Variants in MDN1 observed in about 807,000 individuals in gnomAD.
The protein encoded by MDN1 is midasin.
Under a neutral mutation model 669.2 loss-of-function variants are expected in MDN1, and 266 were observed. The observed-to-expected ratio is 0.40, with a 90% confidence interval of 0.36 to 0.44. The LOEUF (loss-of-function observed/expected upper bound fraction) is 0.44, where lower values mean the gene tolerates loss of function less well. Among genes scored for constraint, MDN1 ranks in the 20% least tolerant of loss-of-function variants. MDN1 has a pLI of 1.00. For synonymous variants in MDN1, 2,385 were observed against 2,457.1 expected (o/e 0.97, Z 0.87); for missense variants, 5,940 against 6,754.0 (o/e 0.88, Z 4.22).
chr6:89,660,816 C>T (rs935763639), intron 88 of MDN1, among the ~76,000 whole-genome samples: 7 of 152,154 alleles, frequency 4.6e-5, no homozygotes, highest in African/African-American at 1.4e-4. Context: ...GAGGCCAGCT[C>T]ACATCTTTCT....
chr6:89,718,914 C>A lies in MDN1; in HGVS notation c.6174G>T (p.Met2058Ile), dbSNP rs1295870733. 1 of 1,614,028 alleles carries A rather than the reference C, an allele frequency of 6.2e-7. No individual in the cohort carries two copies. The highest frequency in any genetic ancestry group is 8.5e-7 in the Non-Finnish European group (1 of 1,180,038). ...PLESIMKCVQ[M>I]SWMVILVGPA... Reference sequence around the variant, plus strand: ...GCCCGACCAGGATGACCATCCAGCTCATCTGCACACACTTCATGATTGACT... The same window carrying A: ...GCCCGACCAGGATGACCATCCAGCTAATCTGCACACACTTCATGATTGACT... The change falls in exon 42 of 102, where the codon ATG becomes ATT. Residue 2058 changes from methionine to isoleucine, a missense_variant. By Grantham distance (10) the Met-to-Ile change is conservative. Coordinates refer to ENST00000369393, the MANE Select transcript of MDN1 (RefSeq NM_014611.3).
In MDN1 at chr6:89,789,771, A is replaced by G; in HGVS notation, c.1230+9T>C. ...ATTAAGGGACAATGAATTTCCTGAG[A>G]TGACATACCACGTCTAAGGGGGCAT... On this transcript the variant is annotated intron_variant, in intron 7 of 101. Coordinates refer to ENST00000369393, the MANE Select transcript of MDN1 (RefSeq NM_014611.3). 1 of 1,577,076 alleles carries G rather than the reference A, an allele frequency of 6.3e-7. No individual in the cohort carries two copies. Among genetic ancestry groups the G allele is most frequent in the Non-Finnish European group, 8.6e-7 (1 of 1,162,504 alleles).
Position 89,707,654 on chromosome 6 carries a change from A to C in MDN1, c.7899-178T>G, listed in dbSNP as rs376866156. On this transcript the variant is annotated intron_variant, in intron 51 of 101. Coordinates refer to ENST00000369393, the MANE Select transcript of MDN1 (RefSeq NM_014611.3). Reference sequence around the variant, plus strand: ...TGAAAGTGACAACTACTAAGGTGAAAGGAAAGATCGATGGATGGAGAAAGC... The same window carrying C: ...TGAAAGTGACAACTACTAAGGTGAACGGAAAGATCGATGGATGGAGAAAGC... Among the ~76,000 whole-genome samples, 7 of 152,340 alleles carry C rather than the reference A, an allele frequency of 4.6e-5. No individual in the cohort carries two copies. The East Asian group carries it at 7.7e-4, about 17-fold the overall frequency.
chr6:89,789,661 A>G, intron 7 of MDN1, 119 bp downstream of exon 7: 2 of 1,200,976 alleles, frequency 1.7e-6, no homozygotes, highest in East Asian at 2.4e-5. Context: ...TACCTGCAAC[A>G]TAGTACGTCT....
In MDN1 at chr6:89,695,114, TC is replaced by T. The variant is rs1295736589; in HGVS notation, c.9771+490del. Among the ~76,000 whole-genome samples the T allele has an allele frequency of 6.6e-6, 1 of 152,048 alleles. No homozygotes were observed. Among genetic ancestry groups the T allele is most frequent in the African/African-American group, 2.4e-5 (1 of 41,366 alleles). On this transcript the variant is annotated intron_variant, in intron 61 of 101. Transcript: ENST00000369393. This position sits in a 1 kb window ranked among gnomAD's most constrained non-coding sequence, Gnocchi z 4.1. ...CAGGCGTGGTAGCGGGTTCCTGTAA[TC>T]CCAGCTACTCGGGAGGCTGAGGCAG... is the stretch of plus-strand genomic sequence containing the variant.
At chr6:89,700,001 G>GAT in intron 57 of MDN1, 62 bp downstream of exon 57, 1 of 1,446,462 alleles carries the variant, frequency 6.9e-7, no homozygotes, top group Non-Finnish European at 9.7e-7. Flanking sequence ...ATGGGTATAG[G>GAT]ATACACAGAA....
At chr6:89,796,324 C>CAAAAA (rs35169575) in intron 2 of MDN1, among the ~76,000 whole-genome samples, 9 of 45,364 alleles carry the variant, frequency 2.0e-4, no homozygotes, top group African/African-American at 4.4e-4. Context: ...AACTCTGTCT[C>CAAAAA]AAAAAAAAAA....
rs1241667705 is a variant in MDN1 at position 89,675,498 on chromosome 6, G to C, written c.12727C>G (p.Leu4243Val). The change falls in exon 78 of 102, where the codon CTG becomes GTG. Residue 4243 changes from leucine (L) to valine (V), a missense_variant. Transcript: ENST00000369393. ...ATCCACTGCTCACTGAGCGTGGTCA[G>C]GGAGCGCCGCTGTCGGACGAGCATC... Reference protein sequence around the residue: ...MKMLVRQRRSLTTLSEQWIIL... With the variant: ...MKMLVRQRRSVTTLSEQWIIL... 2 of 1,613,624 alleles carry C rather than the reference G, an allele frequency of 1.2e-6. No homozygotes were observed. The highest frequency in any genetic ancestry group is 1.7e-6 in the Non-Finnish European group (2 of 1,180,038).
At chr6:89,710,058 T>C (rs1051785464) in intron 50 of MDN1, among the ~76,000 whole-genome samples, 15 of 152,120 alleles carry the variant, frequency 9.9e-5, no homozygotes, top group African/African-American at 2.9e-4. Flanking sequence ...AGTCACCGCA[T>C]CTATCATTAA....
Position 89,716,537 on chromosome 6 carries a change from G to A in MDN1, c.6743+113C>T, listed in dbSNP as rs918085720. Reference sequence around the variant, plus strand: ...ACAGAATATGGCTGAGGACGCTTGCGTAATTAAGAAAAACAGTAGCTTCAA... The same window carrying A: ...ACAGAATATGGCTGAGGACGCTTGCATAATTAAGAAAAACAGTAGCTTCAA... On this transcript the variant is annotated intron_variant, in intron 44 of 101. Coordinates refer to ENST00000369393, the MANE Select transcript of MDN1 (RefSeq NM_014611.3). 3.7e-5 allele frequency: 45 copies of A among 1,223,920 alleles called. No individual in the cohort carries two copies. The African/African-American group carries it at 5.4e-4, about 15-fold the overall frequency. 75.8% of individuals were successfully genotyped at this position (1,223,920 alleles called of 1,614,324 possible).
In MDN1 at chr6:89,683,266, C is replaced by T. The variant is rs752821569; in HGVS notation, c.11968G>A (p.Val3990Met). The change falls in exon 73 of 102, where the codon GTG becomes ATG. Residue 3990 changes from valine (V) to methionine (M), a missense_variant. Val to Met is a conservative substitution (Grantham distance 21, BLOSUM62 1). This residue lies in a region of MDN1 where 2,280 missense variants were observed against 2,576.3 expected (regional missense o/e 0.88). Transcript: ENST00000369393. ...GGCTGTTCTTCCTTGTCACTCTCCA[C>T]CAGGGATGACCGGCAGGGTTCACTC... ...VLSEPCRSSL[V>M]ESDKEEQPDF... 4 of 1,614,150 alleles carry T rather than the reference C, an allele frequency of 2.5e-6. No homozygotes were observed. Among genetic ancestry groups the T allele is most frequent in the South Asian group, 2.2e-5 (2 of 91,074 alleles).
intron 88 of MDN1, among the ~76,000 whole-genome samples, chr6:89,660,823 T>C (rs1809695373): frequency 6.6e-6 from 1 of 152,180 alleles, no homozygotes; most frequent in Non-Finnish European, 1.5e-5. Context: ...GCTCACATCT[T>C]TCTGTCTGAT....
chr6:89,714,522 C>T (rs760836293), intron 46 of MDN1, 21 bp downstream of exon 46: 11 of 1,560,392 alleles, frequency 7.0e-6, no homozygotes, highest in Admixed American at 3.9e-5. Context: ...TCTGCAAAGG[C>T]CCAAAAGTCA....
chr6:89,767,574 A>G (rs1817860027), intron 15 of MDN1, among the ~76,000 whole-genome samples: 1 of 152,072 alleles, frequency 6.6e-6, no homozygotes, highest in African/African-American at 2.4e-5. Context: ...CCTGACCAGC[A>G]TGGTGAAACC....
chr6:89,669,396 T>C (rs1042964605), intron 83 of MDN1, among the ~76,000 whole-genome samples: 3 of 152,208 alleles, frequency 2.0e-5, no homozygotes, highest in Admixed American at 2.0e-4. Context: ...TTTTTATTAT[T>C]ATTATTATTA....
intron 8 of MDN1, 37 bp downstream of exon 8, chr6:89,787,817 G>T: frequency 1.3e-6 from 2 of 1,499,664 alleles, no homozygotes; most frequent in Non-Finnish European, 1.8e-6. Flanking sequence ...CGAGTAAGTG[G>T]CTCCAGAGTG....
intron 10 of MDN1, among the ~76,000 whole-genome samples, chr6:89,780,616 G>A (rs980736762): frequency 6.7e-6 from 1 of 149,388 alleles, no homozygotes; most frequent in East Asian, 2.0e-4. Flanking sequence ...CAACCAATCA[G>A]ATCAGAATGA....
intron 1 of MDN1, chr6:89,815,545 C>T (rs183483325): frequency 2.1e-4 from 52 of 249,564 alleles, no homozygotes; most frequent in Non-Finnish European, 3.8e-4. Flanking sequence ...GAGCCCAGAG[C>T]CCCCCTGCTC....
intron 5 of MDN1, among the ~76,000 whole-genome samples, chr6:89,790,631 C>T (rs1584376241): frequency 6.6e-6 from 1 of 152,176 alleles, no homozygotes; most frequent in Non-Finnish European, 1.5e-5. Flanking sequence ...CATTTCATCC[C>T]AGGAGTTCAA....
Sources: gnomAD v4.1 joint callset for allele counts (sites outside exome capture counted in the v4.1 genomes callset) on GRCh38, gnomAD v4.1.1 for gene constraint, gnomAD v4.1.1 regional missense constraint, Gnocchi (gnomAD v3.1) non-coding constraint, MANE v1.5 for transcripts, NCBI Gene and HGNC (gene_info 2026-07-23, HGNC 2026-07-21) for gene names.